Variants in DOCK11 observed in about 807,000 individuals in gnomAD.
The protein encoded by DOCK11 is dedicator of cytokinesis protein 11.
In DOCK11, 70 loss-of-function variants were observed where a neutral mutation model predicts 169.1. The ratio of observed to expected loss-of-function variants is 0.41; its 90% CI spans 0.34 to 0.51. The LOEUF is 0.51. Ranked by LOEUF, DOCK11 falls within the 20% of genes least tolerant of loss-of-function variation. The pLI, the probability that DOCK11 is intolerant of heterozygous loss-of-function variation, is 0.10. For synonymous variants in DOCK11, 529 were observed against 541.3 expected, an observed-to-expected ratio of 0.98 and a Z score of 0.32; for missense variants, 1,166 against 1,538.8, an observed-to-expected ratio of 0.76 and a Z score of 4.05.
chrX:118,672,454 A>G (rs2016499429), intron 46 of DOCK11, among the ~76,000 whole-genome samples: 1 of 112,150 alleles, frequency 8.9e-6, no homozygotes, highest in Non-Finnish European at 1.9e-5. Flanking sequence ...TTTTTTTGAG[A>G]CGGAGTCTTG....
chrX:118,677,634 C>T (rs2016641756), intron 48 of DOCK11, among the ~76,000 whole-genome samples: 1 of 112,581 alleles, frequency 8.9e-6, no homozygotes, highest in Non-Finnish European at 1.9e-5. Flanking sequence ...TTGTCTACCA[C>T]GAAAATAATC....
At chrX:118,515,930 C>G (rs923523360) in intron 1 of DOCK11, among the ~76,000 whole-genome samples, 4 of 88,980 alleles carry the variant, frequency 4.5e-5, no homozygotes, top group Non-Finnish European at 8.6e-5. Flanking sequence ...ATTGGCCTTG[C>G]AAATATGTTT....
At chrX:118,562,686 C>A (rs1009365511) in intron 7 of DOCK11, among the ~76,000 whole-genome samples, 44 of 111,764 alleles carry the variant, frequency 3.9e-4, no homozygotes, top group Admixed American at 3.9e-3. Context: ...ATATGGCTTG[C>A]CTTACATTTT....
Position 118,593,340 on chromosome X carries a change from A to G in DOCK11, c.2263+3A>G. ...GCAAGACACAGTTGAAACTCCAGGT[A>G]CGTGTTCTCTTTAAATGTCTCTCTC... On this transcript the variant is annotated splice_donor_region_variant and intron_variant, in intron 20 of 52. Coordinates refer to ENST00000276202, the MANE Select transcript of DOCK11 (RefSeq NM_144658.4). The G allele has an allele frequency of 8.4e-7, 1 of 1,197,398 alleles. No individual in the cohort carries two copies. The highest frequency in any genetic ancestry group is 1.1e-6 in the Non-Finnish European group (1 of 890,034).
At chrX:118,579,434 T>C (rs2013555691) in intron 13 of DOCK11, among the ~76,000 whole-genome samples, 1 of 112,058 alleles carries the variant, frequency 8.9e-6, no homozygotes, top group African/African-American at 3.2e-5. Flanking sequence ...CATCAATCTG[T>C]TGTACATGGC....
chrX:118,627,007 A>T (rs2015122453), intron 32 of DOCK11, among the ~76,000 whole-genome samples: 1 of 112,292 alleles, frequency 8.9e-6, no homozygotes, highest in South Asian at 3.6e-4. Flanking sequence ...AGGCAGGAGG[A>T]TCACTTGAGT....
intron 14 of DOCK11, among the ~76,000 whole-genome samples, chrX:118,581,987 G>A (rs1003861475): frequency 1.0e-4 from 11 of 109,207 alleles, no homozygotes; most frequent in Non-Finnish European, 1.5e-4. Flanking sequence ...AAAATTAGCC[G>A]GGCGTGATGG....
intron 20 of DOCK11, among the ~76,000 whole-genome samples, chrX:118,594,420 G>A (rs5910390): frequency 0.35 from 39,322 of 111,026 alleles, 5,087 homozygotes; most frequent in South Asian, 0.55. Context: ...AGATCTTCAA[G>A]GGAAATGCTT....
At chrX:118,665,003 TTTAG>T (rs2016306261) in intron 45 of DOCK11, among the ~76,000 whole-genome samples, 1 of 112,440 alleles carries the variant, frequency 8.9e-6, no homozygotes, top group Admixed American at 9.4e-5. Flanking sequence ...CTCTGGCTTA[TTTAG>T]TTAAATTAAT....
chrX:118,501,776 G>C (rs1024375026), intron 1 of DOCK11, among the ~76,000 whole-genome samples: 1 of 111,782 alleles, frequency 8.9e-6, no homozygotes, highest in Non-Finnish European at 1.9e-5. Context: ...TTGCTCTACA[G>C]AAAGTAGCTT....
chrX:118,578,096 T>C (rs1391952113), intron 12 of DOCK11, among the ~76,000 whole-genome samples: 1 of 112,509 alleles, frequency 8.9e-6, no homozygotes, highest in East Asian at 2.8e-4. Context: ...GAATGTCTTT[T>C]AGAGGATGAT....
In DOCK11 at chrX:118,608,075, T is replaced by C; in HGVS notation, c.2685T>C (p.Val895=). 8.4e-7 allele frequency: 1 copy of C among 1,196,604 alleles called. No individual in the cohort carries two copies. Among genetic ancestry groups the C allele is most frequent in the Non-Finnish European group, 1.1e-6 (1 of 888,040 alleles). ...EDDVPINCTM[V]LLHIVSKCHE... ...ACTCTTGTGAATGTCGTTTCAGGGT[T>C]CTCTTACATATTGTATCAAAGTGCC... is the stretch of plus-strand genomic sequence containing the variant. The change falls in exon 25 of 53, where the codon GTT becomes GTC. Residue 895 remains valine (V), a synonymous_variant. Transcript: ENST00000276202.
chrX:118,520,293 TGCTG>T (rs1431199105), intron 1 of DOCK11, among the ~76,000 whole-genome samples: 6 of 112,474 alleles, frequency 5.3e-5, no homozygotes, highest in Non-Finnish European at 1.1e-4. Context: ...GGGAAATTCT[TGCTG>T]GCAGCATTAA....
In DOCK11 at chrX:118,527,496, T is replaced by A. The variant is rs6655432; in HGVS notation, c.103-15229T>A. Among the ~76,000 whole-genome samples, 555 of 111,884 alleles carry A rather than the reference T, an allele frequency of 5.0e-3. 3 individuals carry two copies. Among genetic ancestry groups the A allele is most frequent in the African/African-American group, 0.017 (522 of 30,749 alleles). Reference sequence around the variant, plus strand: ...CTTGTAGTCAGAAATTTCTCTTATATTACTGGGAACACCGTAACTGCTAGA... The same window carrying A: ...CTTGTAGTCAGAAATTTCTCTTATAATACTGGGAACACCGTAACTGCTAGA... On this transcript the variant is annotated intron_variant, in intron 1 of 52. Transcript: ENST00000276202.
At position 118,543,394 on chromosome X, in the gene DOCK11, T is replaced by C. The variant is rs1404066288; in HGVS notation, c.310-117T>C. 9.3e-6 allele frequency: 5 copies of C among 536,128 alleles called. No homozygotes were observed. In the African/African-American group the frequency reaches 1.2e-4, roughly 13 times the overall value. 44.2% of individuals were successfully genotyped at this position (536,128 alleles called of 1,213,427 possible). A position where few individuals can be genotyped will look rare whatever the true frequency, so the allele number is the denominator to read the frequency against. On this transcript the variant is annotated intron_variant, in intron 3 of 52. Transcript: ENST00000276202. ...GTTAACCCATAAAGGAAGATCCCAG[T>C]ACTAGTAATTGCCAAATGGTTTTAG...
intron 1 of DOCK11, among the ~76,000 whole-genome samples, chrX:118,530,969 G>A (rs1216971221): frequency 8.9e-6 from 1 of 111,848 alleles, no homozygotes; most frequent in Admixed American, 9.5e-5. Context: ...GAATGACAGA[G>A]CAGCAAGCCT....
chrX:118,507,368 A>ATT (rs35910696), intron 1 of DOCK11, among the ~76,000 whole-genome samples: 30,747 of 100,782 alleles, frequency 0.31, 4,162 homozygotes, highest in East Asian at 0.53. Flanking sequence ...TTTGTATAAG[A>ATT]TTTTTTTTTT....
chrX:118,665,747 C>T (rs1354597121), intron 45 of DOCK11, among the ~76,000 whole-genome samples: 1 of 112,018 alleles, frequency 8.9e-6, no homozygotes, highest in Non-Finnish European at 1.9e-5. Flanking sequence ...AAAAAACTGA[C>T]ACTGATTTAG....
At chrX:118,619,336 T>C (rs1293078860) in intron 31 of DOCK11, among the ~76,000 whole-genome samples, 1 of 104,288 alleles carries the variant, frequency 9.6e-6, no homozygotes, top group Non-Finnish European at 2.0e-5. Context: ...TAGCCGGGCG[T>C]GGTGGCACAC....
Sources: allele counts gnomAD v4.1 joint callset (sites outside exome capture counted in the v4.1 genomes callset), GRCh38; gene constraint gnomAD v4.1.1; transcripts MANE v1.5; gene names NCBI Gene and HGNC (gene_info 2026-07-23, HGNC 2026-07-21).